The following DIPK1A variants were observed in gnomAD, a reference collection of about 807,000 sequenced individuals.
The protein encoded by DIPK1A is divergent protein kinase domain 1A, also known as family with sequence similarity 69 member A.
A neutral mutation model predicts 40.8 loss-of-function variants in DIPK1A; 27 were observed. That is an observed-to-expected ratio of 0.66 (90% confidence interval 0.49 to 0.91). DIPK1A has a LOEUF of 0.91. Among genes scored for constraint, DIPK1A ranks in the 40% least tolerant of loss-of-function variants. The pLI is 0.00. For missense variants in DIPK1A, 412 were observed against 505.7 expected (o/e 0.81, Z 1.78); for synonymous variants, 166 against 171.3 (o/e 0.97, Z 0.24).
chr1:92,902,523 A>C (rs754917454), intron 1 of DIPK1A, among the ~76,000 whole-genome samples: 3 of 152,142 alleles, frequency 2.0e-5, no homozygotes, highest in Non-Finnish European at 2.9e-5. Context: ...CACAGTGTCT[A>C]CTTCTTCATC....
At chr1:92,907,341 A>C (rs1425462621) in intron 1 of DIPK1A, among the ~76,000 whole-genome samples, 1 of 152,192 alleles carries the variant, frequency 6.6e-6, no homozygotes, top group East Asian at 1.9e-4. Context: ...TAAAAAATTG[A>C]ATCAGATCAG....
chr1:92,844,229 T>A (rs953811279), intron 4 of DIPK1A, 34 bp from the exon 5 acceptor site: 1 of 1,328,924 alleles, frequency 7.5e-7, no homozygotes, highest in Admixed American at 2.2e-5. Context: ...ACAGAAGGAA[T>A]GAAAAATACC....
chr1:92,880,097 G>C (rs1648300390), intron 1 of DIPK1A, among the ~76,000 whole-genome samples: 1 of 152,168 alleles, frequency 6.6e-6, no homozygotes, highest in Non-Finnish European at 1.5e-5. Flanking sequence ...CTGAAATCTT[G>C]TGGGGTAGCA....
chr1:92,842,583 C>T lies in DIPK1A; in HGVS notation c.*800G>A, dbSNP rs1300405691. On this transcript the variant is annotated 3_prime_UTR_variant, in exon 5 of 5. Coordinates refer to ENST00000370310, the MANE Select transcript of DIPK1A (RefSeq NM_001006605.5). ...AAATGGAAAGTTATTACTAAAAAGT[C>T]TGCTATAATTTATTTTAGTCTTGCA... 1.0e-6 allele frequency: 1 copy of T among 979,276 alleles called. No homozygotes were observed. The highest frequency in any genetic ancestry group is 1.8e-5 in the African/African-American group (1 of 55,948). 60.7% of individuals were successfully genotyped at this position (979,276 alleles called of 1,614,324 possible). A position where few individuals can be genotyped will look rare whatever the true frequency, so the allele number is the denominator to read the frequency against.
intron 1 of DIPK1A, among the ~76,000 whole-genome samples, chr1:92,927,375 T>G (rs398052652): frequency 1.3e-5 from 2 of 148,318 alleles, no homozygotes; most frequent in South Asian, 2.2e-4. Flanking sequence ...TTTTTTTTTT[T>G]TTTTTTTTTT....
intron 1 of DIPK1A, among the ~76,000 whole-genome samples, chr1:92,896,416 AT>A (rs1649169265): frequency 6.6e-6 from 1 of 152,208 alleles, no homozygotes; most frequent in Admixed American, 6.5e-5. Context: ...AGGATTCCCT[AT>A]TTAATAAATG....
intron 1 of DIPK1A, among the ~76,000 whole-genome samples, chr1:92,893,000 T>C (rs1312159506): frequency 6.6e-6 from 1 of 152,020 alleles, no homozygotes; most frequent in Non-Finnish European, 1.5e-5. Context: ...TATGTGACTA[T>C]GTGAAAAGAC....
intron 1 of DIPK1A, among the ~76,000 whole-genome samples, chr1:92,936,084 T>C (rs1263399157): frequency 1.3e-5 from 2 of 150,872 alleles, no homozygotes; most frequent in African/African-American, 4.9e-5. Context: ...AGACTTCATC[T>C]CAAAAAGAAA....
chr1:92,892,978 G>A (rs1486667688), intron 1 of DIPK1A, among the ~76,000 whole-genome samples: 1 of 152,036 alleles, frequency 6.6e-6, no homozygotes, highest in Non-Finnish European at 1.5e-5. Context: ...AATGAACAAA[G>A]CCTCCAAGAA....
intron 4 of DIPK1A, 113 bp downstream of exon 4, chr1:92,847,070 G>C (rs1687664733): frequency 1.5e-6 from 1 of 647,786 alleles, no homozygotes; most frequent in Non-Finnish European, 2.3e-6. Flanking sequence ...TCAGGATGGA[G>C]AATCTGATAG....
At chr1:92,833,685 CT>C in intron 4 of DIPK1A, 6 of 1,567,128 alleles carry the variant, frequency 3.8e-6, no homozygotes, top group Non-Finnish European at 4.4e-6. Context: ...AGACAGTCCC[CT>C]TTTTTTATTG....
intron 2 of DIPK1A, among the ~76,000 whole-genome samples, chr1:92,853,081 G>A (rs192790319): frequency 1.4e-4 from 21 of 151,724 alleles, no homozygotes; most frequent in Admixed American, 2.6e-4. Flanking sequence ...AAACTTTGGA[G>A]GACAAGGTTG....
rs189478320 is a variant in DIPK1A at position 92,944,542 on chromosome 1, T to G, written c.54+16834A>C. On this transcript the variant is annotated intron_variant, in intron 1 of 4. Transcript: ENST00000370310. ...TATCAGAAGTCAAAGCAGCTGCATCTGCAAATTTTCTGAGAAGATTATTTT... is the reference window on the plus strand; with the variant it reads ...TATCAGAAGTCAAAGCAGCTGCATCGGCAAATTTTCTGAGAAGATTATTTT... Among the ~76,000 whole-genome samples, 660 of 152,332 alleles carry G rather than the reference T, an allele frequency of 4.3e-3. 7 individuals are homozygous for G. Among genetic ancestry groups the G allele is most frequent in the African/African-American group, 0.015 (621 of 41,580 alleles).
chr1:92,839,770 AATTTG>A (rs1355986546), downstream of DIPK1A, among the ~76,000 whole-genome samples: 7 of 152,192 alleles, frequency 4.6e-5, no homozygotes, highest in Admixed American at 4.6e-4. Flanking sequence ...TGCAGACAAA[AATTTG>A]ATTTAGAGTG....
At chr1:92,849,959 G>A (rs1353319823) in intron 3 of DIPK1A, among the ~76,000 whole-genome samples, 1 of 151,598 alleles carries the variant, frequency 6.6e-6, no homozygotes, top group African/African-American at 2.4e-5. Context: ...CCGGCTGTTT[G>A]TATTTTTTTA....
intron 1 of DIPK1A, among the ~76,000 whole-genome samples, chr1:92,886,733 T>C (rs1648616822): frequency 6.6e-6 from 1 of 152,148 alleles, no homozygotes; most frequent in South Asian, 2.1e-4. Context: ...TTAATATACT[T>C]AATCCTCATA....
rs147431873 is a variant in DIPK1A, at chr1:92,851,254, C to T, written c.190-299G>A. 7.4e-3 allele frequency among the ~76,000 whole-genome samples: 1,125 copies of T among 152,004 alleles called. 10 individuals carry two copies. The highest frequency in any genetic ancestry group is 0.013 in the South Asian group (63 of 4,814). On this transcript the variant is annotated intron_variant, in intron 2 of 4. Coordinates refer to ENST00000370310, the MANE Select transcript of DIPK1A (RefSeq NM_001006605.5). ...GGCACTCTATCTTTAAAAATGGTTC[C>T]GGTTTTAGGCCAGGCACCGTGGCTC...
chr1:92,954,137 A>G (rs1339439099), intron 1 of DIPK1A, among the ~76,000 whole-genome samples: 1 of 152,052 alleles, frequency 6.6e-6, no homozygotes, highest in South Asian at 2.1e-4. Flanking sequence ...AAAGTTTTAA[A>G]GGAAAATTAT....
Position 92,843,111 on chromosome 1 carries a change from C to A in DIPK1A, c.*272G>T. 1 of 1,117,724 alleles carries A rather than the reference C, an allele frequency of 8.9e-7. No individual in the cohort carries two copies. 69.2% of individuals were successfully genotyped at this position (1,117,724 alleles called of 1,614,324 possible). The stretch of plus-strand genomic sequence containing the variant: ...GATGTTTATGGAATGAAGCTTTTCA[C>A]AGCATTGGTTTTTAAAGTCAGTCAA... On this transcript the variant is annotated 3_prime_UTR_variant, in exon 5 of 5. Coordinates refer to ENST00000370310, the MANE Select transcript of DIPK1A (RefSeq NM_001006605.5).
Sources: gnomAD v4.1 joint callset for allele counts (sites outside exome capture counted in the v4.1 genomes callset) on GRCh38, gnomAD v4.1.1 for gene constraint, MANE v1.5 for transcripts, NCBI Gene and HGNC (gene_info 2026-07-23, HGNC 2026-07-21) for gene names.